TAS1R1: variants seen among roughly 807,000 people sequenced by gnomAD.
TAS1R1 encodes taste receptor type 1 member 1.
Under a neutral mutation model 45.8 loss-of-function variants are expected in TAS1R1, and 31 were observed. That is an observed-to-expected ratio of 0.68 (90% CI 0.51 to 0.91). The LOEUF (loss-of-function observed/expected upper bound fraction) is 0.91, where lower values mean the gene tolerates loss of function less well. TAS1R1 is among the 40% of genes least tolerant of loss of function. The pLI, the probability that TAS1R1 is intolerant of heterozygous loss-of-function variation, is 0.00. For missense variants in TAS1R1, 1,051 were observed against 1,063.9 expected (o/e 0.99, Z 0.17); for synonymous variants, 437 against 448.4 (o/e 0.97, Z 0.32).
chr1:6,576,368 T>A, intron 3 of TAS1R1, 47 bp from the exon 4 acceptor site: 1 of 1,593,044 alleles, frequency 6.3e-7, no homozygotes, highest in Non-Finnish European at 8.6e-7. Context: ...TGGGACCATG[T>A]GGGTCTGTGC....
rs563092876 is a variant in TAS1R1, at chr1:6,578,764, TGCTGCTGGCAGCTAACAC to T, written c.1714_1731del (p.Ala572_Leu577del). 2.8e-4 allele frequency: 460 copies of T among 1,614,098 alleles called. 6 individuals carry two copies. In the South Asian group the frequency reaches 4.8e-3, roughly 17 times the overall value. Reference sequence around the variant, plus strand: ...GCTTTGCGTGAGCACACCTCTTGGGTGCTGCTGGCAGCTAACACGCTGCTGCTGCTGCTGCTGCTTGGG... The same window carrying T: ...GCTTTGCGTGAGCACACCTCTTGGGTGCTGCTGCTGCTGCTGCTGCTTGGG... On this transcript the variant is annotated inframe_deletion, in exon 6 of 6. Transcript: ENST00000333172.
At chr1:6,568,399 G>A (rs998568205) in intron 1 of TAS1R1, among the ~76,000 whole-genome samples, 1 of 151,350 alleles carries the variant, frequency 6.6e-6, no homozygotes, top group African/African-American at 2.4e-5. Context: ...AGCTTGCAGT[G>A]AGCCGAGATT....
rs1425155699 is a variant in TAS1R1, at chr1:6,562,403, A to G, written c.191+6839A>G. 2.0e-5 allele frequency among the ~76,000 whole-genome samples: 3 copies of G among 152,094 alleles called. No homozygotes were observed. The East Asian group carries it at 5.8e-4, about 29-fold the overall frequency. ...CAGGATGGTCTCAATCTCCCAACCTAGTGATCCACTCGCCTCGGCCTCCCA... is the reference window on the plus strand; with the variant it reads ...CAGGATGGTCTCAATCTCCCAACCTGGTGATCCACTCGCCTCGGCCTCCCA... On this transcript the variant is annotated intron_variant, in intron 1 of 5. Coordinates refer to ENST00000333172, the MANE Select transcript of TAS1R1 (RefSeq NM_138697.4).
At chr1:6,558,177 C>T (rs1183917596) in intron 1 of TAS1R1, among the ~76,000 whole-genome samples, 1 of 151,898 alleles carries the variant, frequency 6.6e-6, no homozygotes. Flanking sequence ...GCTGGAACTA[C>T]AGGCATATGC....
At chr1:6,567,563 GAA>G (rs34650839) in intron 1 of TAS1R1, among the ~76,000 whole-genome samples, 55 of 140,472 alleles carry the variant, frequency 3.9e-4, no homozygotes, top group African/African-American at 1.4e-3. Flanking sequence ...CCGTCTCAAA[GAA>G]AAAAAAAAAA....
Position 6,579,093 on chromosome 1 carries a change from G to A in TAS1R1, c.2035G>A (p.Ala679Thr). The A allele has an allele frequency of 6.2e-7, 1 of 1,614,194 alleles. No individual in the cohort carries two copies. Among genetic ancestry groups the A allele is most frequent in the Non-Finnish European group, 8.5e-7 (1 of 1,180,040 alleles). Residue 679 changes from alanine to threonine, a missense_variant, in exon 6 of 6, where the codon GCT (alanine) becomes ACT (threonine). By Grantham distance (58) the Ala-to-Thr change is moderately conservative. Coordinates refer to ENST00000333172, the MANE Select transcript of TAS1R1 (RefSeq NM_138697.4). ...CCACGCCTGGGTCCAAAACCACGGT[G>A]CTGGCCTGTTTGTGATGATCAGCTC... Reference protein sequence around the residue: ...FYHAWVQNHGAGLFVMISSAA... With the variant: ...FYHAWVQNHGTGLFVMISSAA...
rs373982288 is a variant in TAS1R1 at position 6,578,959 on chromosome 1, G to A, written c.1901G>A (p.Arg634His). 6.2e-6 allele frequency: 10 copies of A among 1,613,966 alleles called. No individual in the cohort carries two copies. The highest frequency in any genetic ancestry group is 1.7e-5 in the Admixed American group (1 of 59,996). ...GEPTRPACLL[R>H]QALFALGFTI... is the part of the protein sequence containing the mutation. Reference sequence around the variant, plus strand: ...CCCACAAGGCCTGCGTGCTTGCTACGCCAGGCCCTCTTTGCCCTTGGTTTC... The same window carrying A: ...CCCACAAGGCCTGCGTGCTTGCTACACCAGGCCCTCTTTGCCCTTGGTTTC... The change falls in exon 6 of 6, where the codon CGC becomes CAC. Residue 634 changes from arginine to histidine, a missense_variant. Arg to His is a conservative substitution (Grantham distance 29). Transcript: ENST00000333172.
intron 1 of TAS1R1, among the ~76,000 whole-genome samples, chr1:6,568,224 C>T (rs971054781): frequency 6.6e-6 from 1 of 151,444 alleles, no homozygotes; most frequent in Non-Finnish European, 1.5e-5. Context: ...CTGAGGTGGG[C>T]GGATCACAAG....
At position 6,574,631 on chromosome 1, in the gene TAS1R1, A is replaced by G; in HGVS notation, c.499A>G (p.Ile167Val). 6.3e-7 allele frequency: 1 copy of G among 1,595,404 alleles called. No individual in the cohort carries two copies. Among genetic ancestry groups the G allele is most frequent in the South Asian group, 1.1e-5 (1 of 87,760 alleles). ...ALLSPFLVPMISYAASSETLS... is the reference protein window; with the variant it reads ...ALLSPFLVPMVSYAASSETLS... ...AATGGCTGAACGGGACCTCCCATAG[A>G]TTAGCTATGCGGCCAGCAGCGAGAC... Residue 167 changes from isoleucine to valine, a missense_variant and splice_region_variant, in exon 3 of 6, where the codon ATT (isoleucine) becomes GTT (valine). By Grantham distance (29) the Ile-to-Val change is conservative. Transcript: ENST00000333172. This position sits in a 1 kb window ranked among gnomAD's most constrained non-coding sequence, Gnocchi z 4.3.
In TAS1R1 at chr1:6,556,435, C is replaced by G. The variant is rs577433977; in HGVS notation, c.191+871C>G. ...TATTTTTTTGAGATGGAGACTCAGT[C>G]TGTCATCCAGGCTGGAGTGCAGTGG... is the stretch of plus-strand genomic sequence containing the variant. On this transcript the variant is annotated intron_variant, in intron 1 of 5. Transcript: ENST00000333172. Among the ~76,000 whole-genome samples the G allele has an allele frequency of 2.0e-5, 3 of 150,520 alleles. No homozygotes were observed. The East Asian group carries it at 5.8e-4, about 29-fold the overall frequency.
intron 2 of TAS1R1, among the ~76,000 whole-genome samples, chr1:6,572,551 G>A (rs936697214): frequency 8.5e-5 from 13 of 152,112 alleles, no homozygotes; most frequent in Admixed American, 4.6e-4. Context: ...ATGAGGCACC[G>A]TGCCCTTTGT....
chr1:6,564,377 G>A (rs60032152), intron 1 of TAS1R1, among the ~76,000 whole-genome samples: 8,031 of 152,098 alleles, frequency 0.053, 709 homozygotes, highest in African/African-American at 0.18. Flanking sequence ...GTGTTGGGAG[G>A]TATTCTCCTA....
chr1:6,565,778 G>A (rs1206331502), intron 1 of TAS1R1, among the ~76,000 whole-genome samples: 2 of 152,182 alleles, frequency 1.3e-5, no homozygotes, highest in Non-Finnish European at 2.9e-5. Context: ...AGAATTTAGA[G>A]GCCCATTTAG....
chr1:6,571,028 ATG>A lies in TAS1R1; in HGVS notation c.317_318del (p.Cys106PhefsTer2), dbSNP rs777612893. 1.2e-6 allele frequency: 2 copies of A among 1,614,046 alleles called. No individual in the cohort carries two copies. Among genetic ancestry groups the A allele is most frequent in the Non-Finnish European group, 1.7e-6 (2 of 1,180,002 alleles). On this transcript the variant is annotated frameshift_variant, in exon 2 of 6. Coordinates refer to ENST00000333172, the MANE Select transcript of TAS1R1 (RefSeq NM_138697.4). LOFTEE classifies it high-confidence loss of function. ...ATCACCCTGGGGTACCAGCTGTATG[ATG>A]TGTGTTCTGACTCTGCCAATGTGTA...
intron 1 of TAS1R1, among the ~76,000 whole-genome samples, chr1:6,569,537 G>A (rs573023477): frequency 3.3e-5 from 5 of 152,306 alleles, no homozygotes; most frequent in Non-Finnish European, 5.9e-5. Context: ...AATGGAGGCC[G>A]AGGGCATTGA....
In TAS1R1 at chr1:6,574,930, C is replaced by T. The variant is rs758732588; in HGVS notation, c.798C>T (p.Ala266=). ...MQCLMRHLAQ[A]GATVVVVFSS... ...GCCTCATGCGCCACCTGGCCCAGGCCGGGGCCACCGTCGTGGTTGTTTTTT... is the reference window on the plus strand; with the variant it reads ...GCCTCATGCGCCACCTGGCCCAGGCTGGGGCCACCGTCGTGGTTGTTTTTT... Residue 266 remains alanine (A), a synonymous_variant, in exon 3 of 6, where the codon GCC becomes GCT. Transcript: ENST00000333172. This position sits in a 1 kb window ranked among gnomAD's most constrained non-coding sequence, Gnocchi z 4.3. 43 of 1,612,730 alleles carry T rather than the reference C, an allele frequency of 2.7e-5. No individual in the cohort carries two copies. The highest frequency in any genetic ancestry group is 3.3e-4 in the Middle Eastern group (2 of 6,082).
chr1:6,568,170 C>T (rs186216960), intron 1 of TAS1R1, among the ~76,000 whole-genome samples: 1 of 151,998 alleles, frequency 6.6e-6, no homozygotes, highest in African/African-American at 2.4e-5. Context: ...ATAGTTCCAG[C>T]CGGGCGCGGT....
At position 6,557,318 on chromosome 1, in the gene TAS1R1, G is replaced by A. The variant is rs1180719969; in HGVS notation, c.191+1754G>A. Among the ~76,000 whole-genome samples the A allele has an allele frequency of 2.6e-5, 4 of 152,232 alleles. No individual in the cohort carries two copies. In the East Asian group the frequency reaches 7.7e-4, roughly 29 times the overall value. On this transcript the variant is annotated intron_variant, in intron 1 of 5. Coordinates refer to ENST00000333172, the MANE Select transcript of TAS1R1 (RefSeq NM_138697.4). ...AAGAATTGTCTCAGGCAGGAGGCAC[G>A]AACCCTCCGTTGAGAGACTCGGGAC...
intron 1 of TAS1R1, among the ~76,000 whole-genome samples, chr1:6,556,198 A>G (rs548695347): frequency 2.0e-5 from 3 of 150,960 alleles, no homozygotes; most frequent in African/African-American, 7.3e-5. Flanking sequence ...TCTTCTCTCC[A>G]CTCCTACCCA....
Sources: allele counts gnomAD v4.1 joint callset (sites outside exome capture counted in the v4.1 genomes callset), GRCh38; gene constraint gnomAD v4.1.1; non-coding constraint Gnocchi (gnomAD v3.1); transcripts MANE v1.5; gene names NCBI Gene and HGNC (gene_info 2026-07-23, HGNC 2026-07-21).